KANSL3: variants seen among roughly 807,000 people sequenced by gnomAD.
The protein encoded by KANSL3 is KAT8 regulatory NSL complex subunit 3.
A neutral mutation model predicts 89.2 loss-of-function variants in KANSL3; 16 were observed. The ratio of observed to expected loss-of-function variants is 0.18; its 90% confidence interval spans 0.12 to 0.27. The LOEUF (loss-of-function observed/expected upper bound fraction) is 0.27, where lower values mean the gene tolerates loss of function less well. Ranked by LOEUF, KANSL3 falls within the 10% of genes least tolerant of loss-of-function variation. KANSL3 has a pLI of 1.00. For missense variants in KANSL3, 879 were observed against 1,110.6 expected, an observed-to-expected ratio of 0.79 and a Z score of 2.96; for synonymous variants, 385 against 419.7, an observed-to-expected ratio of 0.92 and a Z score of 1.01.
At chr2:96,608,191 T>C (rs1259851999) in intron 14 of KANSL3, among the ~76,000 whole-genome samples, 2 of 152,064 alleles carry the variant, frequency 1.3e-5, no homozygotes, top group African/African-American at 4.8e-5. Flanking sequence ...ACCCAATACA[T>C]ATGATTGGAG....
Position 96,610,594 on chromosome 2 carries a change from C to T in KANSL3, c.1319+132G>A, listed in dbSNP as rs1178067384. The T allele has an allele frequency of 1.8e-5, 17 of 939,718 alleles. No individual in the cohort carries two copies. In the East Asian group the frequency reaches 3.5e-4, roughly 19 times the overall value. The allele number at this position is 939,718 out of a possible 1,614,324, so 58.2% of individuals were successfully genotyped here. A position where few individuals can be genotyped will look rare whatever the true frequency, so the allele number is the denominator to read the frequency against. On this transcript the variant is annotated intron_variant, in intron 11 of 20. Transcript: ENST00000431828. ...CCTCCCAAAGTCCTGGGATTACAGG[C>T]GTGAGCCACCGCGCCCGGCTAATGC...
At position 96,593,511 on chromosome 2, in the gene KANSL3, G is replaced by A. The variant is rs2104783588; in HGVS notation, c.*2100C>T. 8.4e-6 allele frequency: 3 copies of A among 358,430 alleles called. No homozygotes were observed. The highest frequency in any genetic ancestry group is 6.3e-5 in the South Asian group (3 of 47,742). 22.2% of individuals were successfully genotyped at this position (358,430 alleles called of 1,614,324 possible). The stretch of plus-strand genomic sequence containing the variant: ...AAGGGAACTGGAAAACGTGACTCTA[G>A]GCCTCAGCCACTTCCTCTGTTACCC... On this transcript the variant is annotated 3_prime_UTR_variant, in exon 21 of 21. Coordinates refer to ENST00000431828, the MANE Select transcript of KANSL3 (RefSeq NM_001115016.3).
At chr2:96,627,495 G>A (rs796188036) in intron 3 of KANSL3, among the ~76,000 whole-genome samples, 3 of 152,278 alleles carry the variant, frequency 2.0e-5, no homozygotes, top group African/African-American at 7.2e-5. Context: ...GATTACAGGC[G>A]AGAGCTACTG....
At chr2:96,612,774 T>C in intron 7 of KANSL3, 44 bp downstream of exon 7, 1 of 1,447,240 alleles carries the variant, frequency 6.9e-7, no homozygotes, top group Non-Finnish European at 9.5e-7. Context: ...CCTCCAAGAC[T>C]ATATTCCCTG....
intron 14 of KANSL3, chr2:96,606,961 A>C: frequency 7.8e-7 from 1 of 1,281,192 alleles, no homozygotes; most frequent in Non-Finnish European, 1.0e-6. Context: ...AAGAAAGAGT[A>C]ATACTCACCA....
At position 96,604,760 on chromosome 2, in the gene KANSL3, T is replaced by C. The variant is rs1326874255; in HGVS notation, c.2018+19A>G. On this transcript the variant is annotated intron_variant, in intron 16 of 20. Coordinates refer to ENST00000431828, the MANE Select transcript of KANSL3 (RefSeq NM_001115016.3). ...AAGGGAAAAAAGGAATAGACACAGATGGTCCAATAAACACTCACTTGGCTG... is the reference window on the plus strand; with the variant it reads ...AAGGGAAAAAAGGAATAGACACAGACGGTCCAATAAACACTCACTTGGCTG... The C allele has an allele frequency of 1.6e-5, 25 of 1,570,134 alleles. No homozygotes were observed. The highest frequency in any genetic ancestry group is 1.9e-5 in the Non-Finnish European group (22 of 1,154,320).
chr2:96,625,522 C>A (rs934155455), intron 3 of KANSL3, among the ~76,000 whole-genome samples: 1 of 152,176 alleles, frequency 6.6e-6, no homozygotes, highest in Non-Finnish European at 1.5e-5. Context: ...CATAATGATG[C>A]TTTCCCTATT....
rs777386337 is a variant in KANSL3 at position 96,605,439 on chromosome 2, G to A, written c.1814C>T (p.Pro605Leu). 4.3e-6 allele frequency: 7 copies of A among 1,613,928 alleles called. No homozygotes were observed. Among genetic ancestry groups the A allele is most frequent in the Non-Finnish European group, 5.1e-6 (6 of 1,179,832 alleles). The change falls in exon 15 of 21, where the codon CCC (proline) becomes CTC (leucine). Residue 605 changes from proline to leucine, a missense_variant. By Grantham distance (98) the Pro-to-Leu change is moderately conservative. Coordinates refer to ENST00000431828, the MANE Select transcript of KANSL3 (RefSeq NM_001115016.3). ...CTTACTGCCAGGAAGGGGACTCGAG[G>A]GATGGTGTCGCTTCAGCTGAACCCT... The part of the protein sequence containing the change: ...DLRVQLKRHH[P>L]SSPLPGSKTS...
At chr2:96,623,185 G>A (rs2071624425) in intron 3 of KANSL3, among the ~76,000 whole-genome samples, 1 of 152,210 alleles carries the variant, frequency 6.6e-6, no homozygotes, top group African/African-American at 2.4e-5. Flanking sequence ...TGAATTGTGT[G>A]CACACTGCAT....
At chr2:96,623,987 G>A (rs1462836602) in intron 3 of KANSL3, among the ~76,000 whole-genome samples, 2 of 152,242 alleles carry the variant, frequency 1.3e-5, no homozygotes, top group African/African-American at 4.8e-5. Context: ...GCAGTCTGAG[G>A]TTTCTTGGAA....
At chr2:96,601,797 C>G in intron 19 of KANSL3, 21 bp from the exon 20 acceptor site, 1 of 1,534,218 alleles carries the variant, frequency 6.5e-7, no homozygotes. Flanking sequence ...GAGAGAGAAG[C>G]AGAATTTTTG....
chr2:96,621,361 A>C (rs2071234548), intron 3 of KANSL3, among the ~76,000 whole-genome samples: 1 of 152,028 alleles, frequency 6.6e-6, no homozygotes, highest in African/African-American at 2.4e-5. Context: ...TAAAAATACA[A>C]AAATTAGCTG....
At chr2:96,603,579 TG>T (rs1171731123) in intron 17 of KANSL3, 2 of 152,586 alleles carry the variant, frequency 1.3e-5, no homozygotes, top group East Asian at 3.8e-4. Flanking sequence ...TCACCATGCC[TG>T]GCCAGGAGAG....
At chr2:96,611,905 G>GTGTA (rs2069058956) in intron 9 of KANSL3, among the ~76,000 whole-genome samples, 1 of 86,628 alleles carries the variant, frequency 1.2e-5, no homozygotes, top group Non-Finnish European at 2.8e-5. Flanking sequence ...ATACCCATAT[G>GTGTA]TGTGTGTGTG....
chr2:96,632,911 A>G (rs2073653487), intron 2 of KANSL3, among the ~76,000 whole-genome samples: 1 of 149,128 alleles, frequency 6.7e-6, no homozygotes, highest in Non-Finnish European at 1.5e-5. Context: ...GCTTGCAGTG[A>G]GCCGAGATTG....
downstream of KANSL3, among the ~76,000 whole-genome samples, chr2:96,592,256 GC>G (rs1478837186): frequency 6.6e-6 from 1 of 152,150 alleles, no homozygotes; most frequent in African/African-American, 2.4e-5. Context: ...GGGCTCCAAT[GC>G]CAAGGGTAGT....
chr2:96,612,694 G>A (rs1236452128), intron 7 of KANSL3, 124 bp downstream of exon 7: 2 of 1,089,554 alleles, frequency 1.8e-6, no homozygotes, highest in Admixed American at 2.1e-5. Context: ...CCACATGAAA[G>A]AAGGGTTAGA....
chr2:96,620,385 G>A (rs918175757), intron 3 of KANSL3, among the ~76,000 whole-genome samples: 2 of 151,930 alleles, frequency 1.3e-5, no homozygotes, highest in African/African-American at 4.8e-5. Context: ...TTATTTTTGA[G>A]AGGCCTGCTC....
intron 3 of KANSL3, among the ~76,000 whole-genome samples, chr2:96,624,527 ATTC>A (rs1359518150): frequency 6.6e-6 from 1 of 151,972 alleles, no homozygotes; most frequent in Non-Finnish European, 1.5e-5. Flanking sequence ...TTTATTATTA[ATTC>A]TTCTTGTTGT....
Sources: allele counts gnomAD v4.1 joint callset (sites outside exome capture counted in the v4.1 genomes callset), GRCh38; gene constraint gnomAD v4.1.1; transcripts MANE v1.5; gene names NCBI Gene and HGNC (gene_info 2026-07-23, HGNC 2026-07-21).